WDR7: variants seen among roughly 807,000 people sequenced by gnomAD.
The protein encoded by WDR7 is WD repeat domain 7.
In WDR7, 46 loss-of-function variants were observed where a neutral mutation model predicts 169.4. That is an observed-to-expected ratio of 0.27 (90% CI 0.21 to 0.35). The LOEUF is 0.35. Among genes scored for constraint, WDR7 ranks in the 10% least tolerant of loss-of-function variants. The probability of loss-of-function intolerance (pLI) is 1.00; values close to 1 mark genes in which losing one functional copy is unlikely to be tolerated. For synonymous variants in WDR7, 612 were observed against 666.8 expected (o/e 0.92, Z 1.27); for missense variants, 1,534 against 1,859.3 (o/e 0.83, Z 3.22).
chr18:56,763,731 A>G (rs1001092948), intron 16 of WDR7, among the ~76,000 whole-genome samples: 2 of 152,182 alleles, frequency 1.3e-5, no homozygotes, highest in African/African-American at 4.8e-5. Context: ...CTTTATGGGA[A>G]GGTTTTTAAC....
chr18:57,018,358 A>G (rs903283110), intron 26 of WDR7, among the ~76,000 whole-genome samples: 8 of 152,224 alleles, frequency 5.3e-5, no homozygotes, highest in Non-Finnish European at 1.2e-4. Flanking sequence ...TGAATTTTGA[A>G]TCAAATATTT....
intron 25 of WDR7, among the ~76,000 whole-genome samples, chr18:56,944,715 T>C: frequency 6.6e-6 from 1 of 152,212 alleles, no homozygotes; most frequent in East Asian, 1.9e-4. Context: ...CCAGTAAAAT[T>C]TGATAGACAT....
intron 20 of WDR7, among the ~76,000 whole-genome samples, chr18:56,834,110 C>T (rs1385362467): frequency 1.3e-5 from 2 of 152,226 alleles, no homozygotes; most frequent in African/African-American, 4.8e-5. Flanking sequence ...AGGCCATCCT[C>T]AGTTCCCTGC....
At chr18:57,034,355 G>GC (rs919026409), downstream of WDR7, 1 of 152,186 alleles carries the variant, frequency 6.6e-6, no homozygotes, top group African/African-American at 2.4e-5. Flanking sequence ...GTCTGCCCAG[G>GC]CCTGGGCATT....
At chr18:56,976,016 G>C (rs1250698730) in intron 26 of WDR7, among the ~76,000 whole-genome samples, 1 of 152,190 alleles carries the variant, frequency 6.6e-6, no homozygotes, top group Non-Finnish European at 1.5e-5. Flanking sequence ...GTTTGAAGCA[G>C]GAAAGCAACA....
rs777714557 is a variant in WDR7 at position 57,027,126 on chromosome 18, G to A, written c.4392G>A (p.Lys1464=). Residue 1464 remains lysine (K), a synonymous_variant, in exon 28 of 28, where the codon AAG becomes AAA. Transcript: ENST00000254442. ...PASPGSHNAL[K]LARLIWTSNR... is the part of the protein sequence containing the mutation. Reference sequence around the variant, plus strand: ...CCCCCGGCTCCCACAATGCCCTCAAGCTGGCCCGGCTCATCTGGACTTCCA... The same window carrying A: ...CCCCCGGCTCCCACAATGCCCTCAAACTGGCCCGGCTCATCTGGACTTCCA... The A allele has an allele frequency of 2.5e-6, 4 of 1,614,194 alleles. No homozygotes were observed. In the South Asian group the frequency reaches 4.4e-5, roughly 18 times the overall value.
At chr18:56,815,315 G>T (rs2044946421) in intron 19 of WDR7, among the ~76,000 whole-genome samples, 1 of 152,122 alleles carries the variant, frequency 6.6e-6, no homozygotes, top group African/African-American at 2.4e-5. Flanking sequence ...TATCTGTTGT[G>T]AAATTGAGAA....
chr18:56,846,450 T>C (rs984463613), intron 20 of WDR7, among the ~76,000 whole-genome samples: 1 of 152,140 alleles, frequency 6.6e-6, no homozygotes. Context: ...GTTCCCACTT[T>C]TGCTTTTTCC....
At chr18:56,975,608 T>C (rs1599211226) in intron 26 of WDR7, among the ~76,000 whole-genome samples, 1 of 152,160 alleles carries the variant, frequency 6.6e-6, no homozygotes, top group South Asian at 2.1e-4. Context: ...ATCAGCCCTC[T>C]TTTTTTATGT....
rs2048389728 is a variant in WDR7 at position 57,027,865 on chromosome 18, T to A, written c.*658T>A. 6.6e-6 allele frequency: 1 copy of A among 152,242 alleles called. No individual in the cohort carries two copies. Among genetic ancestry groups the A allele is most frequent in the East Asian group, 1.9e-4 (1 of 5,206 alleles). 9.4% of individuals were successfully genotyped at this position (152,242 alleles called of 1,614,324 possible). ...AAATATTTTCCTTGTAGAAAATAGT[T>A]TTCCAGACACTTAGCCTTCTGAAGT... On this transcript the variant is annotated 3_prime_UTR_variant, in exon 28 of 28. Transcript: ENST00000254442.
chr18:56,886,337 C>A (rs569555899), intron 21 of WDR7, among the ~76,000 whole-genome samples: 39 of 152,176 alleles, frequency 2.6e-4, no homozygotes, highest in African/African-American at 8.9e-4. Context: ...CTTCCTTAGC[C>A]AAAACAATTA....
At chr18:56,937,982 A>G (rs1283340246) in intron 23 of WDR7, among the ~76,000 whole-genome samples, 1 of 152,220 alleles carries the variant, frequency 6.6e-6, no homozygotes, top group Non-Finnish European at 1.5e-5. Context: ...GTGAAAATCT[A>G]TGTCCTATTC....
intron 21 of WDR7, among the ~76,000 whole-genome samples, chr18:56,896,941 G>T (rs544820933): frequency 6.6e-6 from 1 of 151,878 alleles, no homozygotes; most frequent in South Asian, 2.1e-4. Context: ...ACAAGAGATG[G>T]TTAAATATCT....
chr18:56,762,746 T>C lies in WDR7; in HGVS notation c.2848+3793T>C, dbSNP rs58371677. On this transcript the variant is annotated intron_variant, in intron 16 of 27. Transcript: ENST00000254442. ...TAGTGCATATTTTTCCCCACTTCCTTAAATTCTGCTCTTTATTTACATCCT... is the reference window on the plus strand; with the variant it reads ...TAGTGCATATTTTTCCCCACTTCCTCAAATTCTGCTCTTTATTTACATCCT... Among the ~76,000 whole-genome samples the C allele has an allele frequency of 5.9e-5, 9 of 152,210 alleles. No individual in the cohort carries two copies. The East Asian group carries it at 1.7e-3, about 29-fold the overall frequency.
intron 25 of WDR7, among the ~76,000 whole-genome samples, chr18:56,960,171 C>CT (rs2047320171): frequency 6.6e-6 from 1 of 152,096 alleles, no homozygotes; most frequent in East Asian, 1.9e-4. Flanking sequence ...ATATATGGTC[C>CT]TTTCAGGAAA....
intron 21 of WDR7, among the ~76,000 whole-genome samples, chr18:56,895,939 A>G (rs1329617070): frequency 1.3e-5 from 2 of 151,896 alleles, no homozygotes; most frequent in African/African-American, 2.4e-5. Flanking sequence ...TATACCAGAG[A>G]TAAATGGAAT....
chr18:57,023,193 G>A (rs1016976525), intron 27 of WDR7, among the ~76,000 whole-genome samples: 1 of 152,194 alleles, frequency 6.6e-6, no homozygotes, highest in Admixed American at 6.5e-5. Flanking sequence ...TTTGAATTAA[G>A]AGTCCAAAAA....
At chr18:56,718,724 G>C (rs1461386312) in intron 13 of WDR7, among the ~76,000 whole-genome samples, 2 of 152,182 alleles carry the variant, frequency 1.3e-5, no homozygotes, top group African/African-American at 4.8e-5. Context: ...TCAGAAATTT[G>C]TAAGTATATA....
intron 21 of WDR7, among the ~76,000 whole-genome samples, chr18:56,922,124 TTC>T (rs1287370225): frequency 2.6e-5 from 4 of 152,180 alleles, no homozygotes; most frequent in African/African-American, 9.7e-5. Flanking sequence ...CTCTTATGAC[TTC>T]CAAGAAGTAA....
Sources: allele counts gnomAD v4.1 joint callset (sites outside exome capture counted in the v4.1 genomes callset), GRCh38; gene constraint gnomAD v4.1.1; transcripts MANE v1.5; gene names NCBI Gene and HGNC (gene_info 2026-07-23, HGNC 2026-07-21).